The following DTNB variants were observed in gnomAD, a reference collection of about 807,000 sequenced individuals.
DTNB encodes DTN-B.
DTNB carries 63 observed loss-of-function variants against 90.7 expected under a neutral mutation model. The ratio of observed to expected loss-of-function variants is 0.69; its 90% CI spans 0.57 to 0.86. The LOEUF (loss-of-function observed/expected upper bound fraction) is 0.86, where lower values mean the gene tolerates loss of function less well. DTNB is among the 40% of genes least tolerant of loss of function. The pLI is 0.00. For synonymous variants in DTNB, 277 were observed against 286.7 expected (o/e 0.97, Z 0.34); for missense variants, 744 against 807.1 (o/e 0.92, Z 0.95).
chr2:25,510,499 G>A (rs1479430663), intron 9 of DTNB, among the ~76,000 whole-genome samples: 2 of 151,454 alleles, frequency 1.3e-5, no homozygotes, highest in African/African-American at 2.4e-5. Flanking sequence ...AGGTTTTTAA[G>A]TGCCTTTCTT....
At chr2:25,516,389 G>T (rs1420020939) in intron 9 of DTNB, among the ~76,000 whole-genome samples, 1 of 152,014 alleles carries the variant, frequency 6.6e-6, no homozygotes, top group African/African-American at 2.4e-5. Flanking sequence ...TGGGACCACA[G>T]GCATGCATCA....
intron 16 of DTNB, among the ~76,000 whole-genome samples, chr2:25,413,148 CATT>C (rs1334308995): frequency 2.6e-5 from 4 of 152,014 alleles, no homozygotes; most frequent in African/African-American, 4.8e-5. Flanking sequence ...GAAATAACAA[CATT>C]AATAATTAAT....
At chr2:25,438,880 T>C (rs188971280) in intron 12 of DTNB, among the ~76,000 whole-genome samples, 264 of 152,356 alleles carry the variant, frequency 1.7e-3, no homozygotes, top group Non-Finnish European at 3.3e-3. Context: ...AATGGCACTT[T>C]ACCTTTTCCT....
At chr2:25,499,179 T>C (rs974226263) in intron 9 of DTNB, among the ~76,000 whole-genome samples, 5 of 131,396 alleles carry the variant, frequency 3.8e-5, no homozygotes, top group African/African-American at 1.7e-4. Context: ...ATCGTGTCAT[T>C]GCAAAAAAAA....
intron 9 of DTNB, among the ~76,000 whole-genome samples, chr2:25,499,843 A>C (rs542829328): frequency 6.6e-6 from 1 of 152,326 alleles, no homozygotes; most frequent in African/African-American, 2.4e-5. Flanking sequence ...ATATTAGTTC[A>C]ATTATGAATG....
At chr2:25,576,720 A>T in intron 8 of DTNB, 118 bp downstream of exon 8, 2 of 1,254,018 alleles carry the variant, frequency 1.6e-6, no homozygotes, top group Non-Finnish European at 2.1e-6. Flanking sequence ...TGTTAGTGTT[A>T]AGATTTTACT....
intron 1 of DTNB, among the ~76,000 whole-genome samples, chr2:25,665,056 G>C (rs565463092): frequency 6.6e-6 from 1 of 152,310 alleles, no homozygotes; most frequent in Non-Finnish European, 1.5e-5. Context: ...AAAATAGAGT[G>C]TTTCACACCT....
chr2:25,455,611 A>G, intron 10 of DTNB, 117 bp from the exon 11 acceptor site: 2 of 856,944 alleles, frequency 2.3e-6, no homozygotes, highest in Non-Finnish European at 3.6e-6. Flanking sequence ...ATAAATCATG[A>G]TAAGGAAAAC....
At chr2:25,628,926 T>G (rs1215196424) in intron 3 of DTNB, among the ~76,000 whole-genome samples, 1 of 152,222 alleles carries the variant, frequency 6.6e-6, no homozygotes, top group Non-Finnish European at 1.5e-5. Context: ...TACTGCATAT[T>G]TCCTCCATTA....
intron 16 of DTNB, among the ~76,000 whole-genome samples, chr2:25,396,938 T>G (rs1467816978): frequency 6.6e-6 from 1 of 152,066 alleles, no homozygotes; most frequent in Non-Finnish European, 1.5e-5. Flanking sequence ...CAACAATTTC[T>G]GAATTGAATA....
chr2:25,457,439 T>G (rs1032592900), intron 10 of DTNB, among the ~76,000 whole-genome samples: 1 of 152,188 alleles, frequency 6.6e-6, no homozygotes. Context: ...CCCACTGTTC[T>G]AGGCTCACCG....
intron 10 of DTNB, among the ~76,000 whole-genome samples, chr2:25,460,885 G>A (rs1262238840): frequency 1.4e-5 from 2 of 147,878 alleles, no homozygotes; most frequent in Non-Finnish European, 3.0e-5. Context: ...GGGAACTGAG[G>A]CCAAGAAAGG....
intron 9 of DTNB, among the ~76,000 whole-genome samples, chr2:25,494,691 A>G (rs1053968596): frequency 2.6e-5 from 4 of 152,172 alleles, no homozygotes; most frequent in African/African-American, 9.6e-5. Flanking sequence ...TTAGGAAGAA[A>G]GAGTTTCTGC....
chr2:25,512,605 G>T (rs1276708057), intron 9 of DTNB, among the ~76,000 whole-genome samples: 3 of 152,158 alleles, frequency 2.0e-5, no homozygotes, highest in Non-Finnish European at 4.4e-5. Flanking sequence ...AAAACAATAA[G>T]AGCTCAAGGA....
chr2:25,672,414 A>G (rs553470572), intron 1 of DTNB, among the ~76,000 whole-genome samples: 2 of 152,192 alleles, frequency 1.3e-5, no homozygotes, highest in South Asian at 4.2e-4. Context: ...TTAGCAGTCA[A>G]TAGTCATGGA....
chr2:25,547,821 T>A (rs2082756009), intron 8 of DTNB, among the ~76,000 whole-genome samples: 1 of 152,126 alleles, frequency 6.6e-6, no homozygotes, highest in Admixed American at 6.6e-5. Context: ...GATCTTTGAT[T>A]CTCATTCTAA....
At chr2:25,577,672 C>T (rs1243026367) in intron 7 of DTNB, among the ~76,000 whole-genome samples, 1 of 152,108 alleles carries the variant, frequency 6.6e-6, no homozygotes, top group African/African-American at 2.4e-5. Context: ...TTTCCTCTGA[C>T]AATTCAACTC....
At chr2:25,653,970 A>G (rs2081563380) in intron 1 of DTNB, among the ~76,000 whole-genome samples, 1 of 152,134 alleles carries the variant, frequency 6.6e-6, no homozygotes, top group Non-Finnish European at 1.5e-5. Context: ...TTCTTCTACT[A>G]CAGATCATTT....
At position 25,655,611 on chromosome 2, in the gene DTNB, T is replaced by C. The variant is rs79435025; in HGVS notation, c.-1-2950A>G. On this transcript the variant is annotated intron_variant, in intron 1 of 20. Transcript: ENST00000406818. ...CAAAAAGGGCATCTGGAGCCAGTCC[T>C]AACATGCTACTAGAATGGCTCATTT... Among the ~76,000 whole-genome samples, 7 of 152,342 alleles carry C rather than the reference T, an allele frequency of 4.6e-5. No individual in the cohort carries two copies. In the East Asian group the frequency reaches 1.3e-3, roughly 29 times the overall value.
Sources: gnomAD v4.1 joint callset for allele counts (sites outside exome capture counted in the v4.1 genomes callset) on GRCh38, gnomAD v4.1.1 for gene constraint, MANE v1.5 for transcripts, NCBI Gene and HGNC (gene_info 2026-07-23, HGNC 2026-07-21) for gene names.